The following PAK4 variants were observed in gnomAD, a reference collection of about 807,000 sequenced individuals.
PAK4 encodes the protein p21 (RAC1) activated kinase 4.
Under a neutral mutation model 53.5 loss-of-function variants are expected in PAK4, and 49 were observed. The ratio of observed to expected loss-of-function variants is 0.92; its 90% CI spans 0.73 to 1.16. The LOEUF is 1.16. PAK4 is among the 50% of genes most tolerant of loss of function. PAK4 has a pLI of 0.00. For missense variants in PAK4, 824 were observed against 850.7 expected, an observed-to-expected ratio of 0.97 and a Z score of 0.39; for synonymous variants, 376 against 375.6, an observed-to-expected ratio of 1.00 and a Z score of -0.01.
At chr19:39,158,207 A>G (rs2074223650) in intron 1 of PAK4, among the ~76,000 whole-genome samples, 2 of 149,500 alleles carry the variant, frequency 1.3e-5, no homozygotes, top group African/African-American at 5.0e-5. Flanking sequence ...ATGTATGTGC[A>G]TGTGTGGGTG....
At chr19:39,128,568 T>C (rs188677165) in intron 1 of PAK4, among the ~76,000 whole-genome samples, 6 of 152,332 alleles carry the variant, frequency 3.9e-5, no homozygotes, top group African/African-American at 1.2e-4. Flanking sequence ...ATGGGACAAA[T>C]GATTTATTTG....
At chr19:39,151,531 G>A (rs916726549) in intron 1 of PAK4, among the ~76,000 whole-genome samples, 4 of 152,144 alleles carry the variant, frequency 2.6e-5, no homozygotes, top group Non-Finnish European at 5.9e-5. Context: ...GAGTGTTGCC[G>A]CACCATTTAT....
exon 8 of PAK4, chr19:39,177,721 G>C: frequency 6.2e-7 from 1 of 1,613,646 alleles, no homozygotes; most frequent in Non-Finnish European, 8.5e-7. Flanking sequence ...ATGGTGGACG[G>C]AGAGCCCCCC....
chr19:39,173,161 G>C lies in PAK4; in HGVS notation c.448G>C (p.Asp150His), dbSNP rs1051832463. 1 of 1,540,874 alleles carries C rather than the reference G, an allele frequency of 6.5e-7. No homozygotes were observed. The highest frequency in any genetic ancestry group is 1.4e-5 in the African/African-American group (1 of 72,870). ...CAGCGAGGCGGGTGGCGGCAGTGGT[G>C]ACAGGCGACGGGCGGGGCCAGAGAA... The change falls in exon 3 of 9, where the codon GAC (aspartate) becomes CAC (histidine). Residue 150 changes from aspartate (D) to histidine (H), a missense_variant. Transcript: ENST00000358301. The surrounding 1 kb of genome is among the most constrained non-coding windows in gnomAD (Gnocchi z 6.9).
chr19:39,181,019 C>G (rs1279341661), downstream of PAK4: 3 of 152,304 alleles, frequency 2.0e-5, no homozygotes. Context: ...CCAGCCACAT[C>G]TGTGACCCCA....
chr19:39,140,401 G>A (rs762187708), intron 1 of PAK4, among the ~76,000 whole-genome samples: 6 of 152,110 alleles, frequency 3.9e-5, no homozygotes, highest in Non-Finnish European at 7.4e-5. Flanking sequence ...ACAGTCCAAG[G>A]GTGGCTAGGG....
intron 1 of PAK4, among the ~76,000 whole-genome samples, chr19:39,143,466 G>T (rs984726322): frequency 6.6e-6 from 1 of 151,416 alleles, no homozygotes; most frequent in Non-Finnish European, 1.5e-5. Context: ...GGTGGCAGGT[G>T]CCTGTAATCC....
In PAK4 at chr19:39,178,482, G is replaced by A. The variant is rs1010332682; in HGVS notation, c.1679G>A (p.Arg560Gln). ...CTGCTGGTGCGAGACCCTGCCCAGC[G>A]GGCCACGGCAGCCGAGCTGCTGAAG... Residue 560 changes from arginine to glutamine, a missense_variant, in exon 9 of 9, where the codon CGG becomes CAG. Physicochemically the swap from Arg to Gln is conservative, Grantham distance 43 (BLOSUM62 1). Transcript: ENST00000358301. This position sits in a 1 kb window ranked among gnomAD's most constrained non-coding sequence, Gnocchi z 4.4. 1.9e-6 allele frequency: 3 copies of A among 1,610,912 alleles called. No individual in the cohort carries two copies. Among genetic ancestry groups the A allele is most frequent in the Non-Finnish European group, 2.5e-6 (3 of 1,179,124 alleles).
chr19:39,172,762 G>GA (rs2074507108), intron 2 of PAK4, among the ~76,000 whole-genome samples, 156 bp from the exon 4 acceptor site: 3 of 152,088 alleles, frequency 2.0e-5, no homozygotes. Flanking sequence ...GGGAGGGGCT[G>GA]CACTGCCCAT....
At chr19:39,138,907 G>T (rs1000757499) in intron 1 of PAK4, among the ~76,000 whole-genome samples, 9 of 152,300 alleles carry the variant, frequency 5.9e-5, no homozygotes, top group Non-Finnish European at 1.0e-4. Flanking sequence ...TACTCTGGGG[G>T]GCTGGCAGGA....
At chr19:39,128,119 C>G (rs1474581799) in intron 1 of PAK4, among the ~76,000 whole-genome samples, 2 of 152,208 alleles carry the variant, frequency 1.3e-5, no homozygotes, top group African/African-American at 4.8e-5. Context: ...CCCTCTCCAT[C>G]ACTCACAGAG....
At chr19:39,151,642 G>A (rs536568128) in intron 1 of PAK4, among the ~76,000 whole-genome samples, 1 of 152,356 alleles carries the variant, frequency 6.6e-6, no homozygotes, top group South Asian at 2.1e-4. Context: ...GCAGTGCTCT[G>A]CCAAGATCAA....
chr19:39,130,978 T>C (rs774057240), intron 1 of PAK4, among the ~76,000 whole-genome samples: 2 of 151,746 alleles, frequency 1.3e-5, no homozygotes, highest in Non-Finnish European at 2.9e-5. Flanking sequence ...TGGAGGAGCG[T>C]CCTCGTGCCA....
chr19:39,156,404 G>A (rs2074182342), intron 1 of PAK4, among the ~76,000 whole-genome samples: 1 of 152,124 alleles, frequency 6.6e-6, no homozygotes, highest in African/African-American at 2.4e-5. Flanking sequence ...CCAGCCGCTT[G>A]CAGGTACTCA....
At chr19:39,128,480 G>T (rs922142121) in intron 1 of PAK4, among the ~76,000 whole-genome samples, 4 of 152,210 alleles carry the variant, frequency 2.6e-5, no homozygotes, top group Middle Eastern at 3.2e-3. Flanking sequence ...GCATCTCAGG[G>T]TTTGGCACAG....
At chr19:39,149,100 G>A (rs2074053271) in intron 1 of PAK4, among the ~76,000 whole-genome samples, 1 of 152,186 alleles carries the variant, frequency 6.6e-6, no homozygotes, top group African/African-American at 2.4e-5. Flanking sequence ...TGCTGTCGCT[G>A]TTCGGCATAG....
At chr19:39,181,241 G>GC (rs1381068980), downstream of PAK4, 1 of 152,488 alleles carries the variant, frequency 6.6e-6, no homozygotes, top group African/African-American at 2.4e-5. Context: ...ACCGTGCCCA[G>GC]CCCGCTCACT....
chr19:39,157,335 G>A (rs1190819956), intron 1 of PAK4, among the ~76,000 whole-genome samples: 1 of 152,110 alleles, frequency 6.6e-6, no homozygotes, highest in Non-Finnish European at 1.5e-5. Context: ...GGCATTGTGT[G>A]TATACACACG....
intron 1 of PAK4, among the ~76,000 whole-genome samples, chr19:39,144,137 C>T (rs1178237064): frequency 1.5e-4 from 16 of 109,458 alleles, no homozygotes; most frequent in Admixed American, 3.6e-4. Flanking sequence ...GACAGACAGA[C>T]AGACAGATAG....
Sources: allele counts gnomAD v4.1 joint callset (sites outside exome capture counted in the v4.1 genomes callset), GRCh38; gene constraint gnomAD v4.1.1; non-coding constraint Gnocchi (gnomAD v3.1); transcripts MANE v1.5; gene names NCBI Gene and HGNC (gene_info 2026-07-23, HGNC 2026-07-21).